UNC13C: variants seen among roughly 807,000 people sequenced by gnomAD.
UNC13C encodes protein unc-13 homolog C.
In UNC13C, 174 loss-of-function variants were observed where a neutral mutation model predicts 245.4. That is an observed-to-expected ratio of 0.71 (90% CI 0.63 to 0.80). UNC13C has a LOEUF of 0.80. Ranked by LOEUF, UNC13C falls within the 30% of genes least tolerant of loss-of-function variation. UNC13C has a pLI of 0.00. For synonymous variants in UNC13C, 992 were observed against 895.1 expected, an observed-to-expected ratio of 1.11 and a Z score of -1.93; for missense variants, 2,829 against 2,602.9, an observed-to-expected ratio of 1.09 and a Z score of -1.89.
the UNC13C span, among the ~76,000 whole-genome samples, chr15:53,919,435 T>C: frequency 6.6e-6 from 1 of 152,146 alleles, no homozygotes; most frequent in African/African-American, 2.4e-5. Flanking sequence ...GGTTGAGTAA[T>C]GAATTAACTT....
chr15:54,077,155 C>T (rs1898671654), intron 2 of UNC13C, among the ~76,000 whole-genome samples: 3 of 151,882 alleles, frequency 2.0e-5, no homozygotes, highest in Non-Finnish European at 2.9e-5. Flanking sequence ...TCTCAAAAAA[C>T]CTTGGAAGCA....
chr15:54,393,104 T>C lies in UNC13C; in HGVS notation c.4770T>C (p.Asp1590=). 1 of 1,609,966 alleles carries C rather than the reference T, an allele frequency of 6.2e-7. No homozygotes were observed. The highest frequency in any genetic ancestry group is 8.5e-7 in the Non-Finnish European group (1 of 1,177,998). Residue 1590 remains aspartate, a synonymous_variant, in exon 18 of 33, where the codon GAT becomes GAC. Coordinates refer to ENST00000260323, the MANE Select transcript of UNC13C (RefSeq NM_001080534.3). ...EDQGPTTKNL[D]FWPQLITLMV... ...AGGGACCAACCACCAAGAATTTGGATTTTTGGCCCCAACTTATTACACTGA... is the reference window on the plus strand; with the variant it reads ...AGGGACCAACCACCAAGAATTTGGACTTTTGGCCCCAACTTATTACACTGA...
intron 2 of UNC13C, among the ~76,000 whole-genome samples, chr15:54,045,085 G>A (rs1047251556): frequency 6.6e-6 from 1 of 152,014 alleles, no homozygotes; most frequent in Non-Finnish European, 1.5e-5. Context: ...TTGATGGAGT[G>A]TAAATTATCA....
chr15:54,329,031 A>T (rs1366797041), intron 14 of UNC13C, among the ~76,000 whole-genome samples: 4 of 150,410 alleles, frequency 2.7e-5, no homozygotes, highest in African/African-American at 9.8e-5. Context: ...CCCTTTGTAG[A>T]TAGTTTGCCA....
the UNC13C span, among the ~76,000 whole-genome samples, chr15:53,897,991 T>C: frequency 6.6e-6 from 1 of 152,210 alleles, no homozygotes; most frequent in East Asian, 1.9e-4. Context: ...TTTGATTTTG[T>C]ATAATAAAAA....
chr15:54,593,193 T>C (rs11857282), intron 30 of UNC13C, among the ~76,000 whole-genome samples: 70,172 of 152,006 alleles, frequency 0.46, 16,959 homozygotes, highest in East Asian at 0.68. Flanking sequence ...ATCTGATAGG[T>C]TTTCTTTTAT....
intron 4 of UNC13C, among the ~76,000 whole-genome samples, chr15:54,156,199 A>G (rs1595921919): frequency 6.6e-6 from 1 of 152,188 alleles, no homozygotes; most frequent in Non-Finnish European, 1.5e-5. Flanking sequence ...ATTTTTAGAA[A>G]GACATTAGTC....
chr15:54,218,695 A>G (rs945514668), intron 4 of UNC13C, among the ~76,000 whole-genome samples: 1 of 151,880 alleles, frequency 6.6e-6, no homozygotes, highest in Non-Finnish European at 1.5e-5. Context: ...ATTTTGTGTT[A>G]TGGAAAAATC....
intron 30 of UNC13C, among the ~76,000 whole-genome samples, chr15:54,580,248 G>A (rs181196655): frequency 2.1e-4 from 32 of 152,328 alleles, no homozygotes; most frequent in Non-Finnish European, 3.5e-4. Flanking sequence ...GCTGATTTCT[G>A]AGCGAAGATG....
intron 2 of UNC13C, among the ~76,000 whole-genome samples, chr15:54,062,162 A>G (rs1301525308): frequency 6.6e-6 from 1 of 151,792 alleles, no homozygotes; most frequent in Non-Finnish European, 1.5e-5. Flanking sequence ...TTTACTAAAA[A>G]TACAAAATTA....
In UNC13C at chr15:54,210,209, A is replaced by AAT. The variant is rs949146182; in HGVS notation, c.3072-24807_3072-24806dup. On this transcript the variant is annotated intron_variant, in intron 4 of 32. Transcript: ENST00000260323. ...TGCAAAGAAAACTTACTATATATAA[A>AAT]ATATATATATATATAGTTAACTGCA... 1.6e-3 allele frequency among the ~76,000 whole-genome samples: 217 copies of AAT among 138,938 alleles called. 1 individual carries two copies. The highest frequency in any genetic ancestry group is 5.5e-3 in the East Asian group (26 of 4,744). 91.1% of individuals were successfully genotyped at this position (138,938 alleles called of 152,430 possible).
At chr15:54,423,830 T>C (rs2040703010) in intron 19 of UNC13C, among the ~76,000 whole-genome samples, 1 of 151,864 alleles carries the variant, frequency 6.6e-6, no homozygotes, top group African/African-American at 2.4e-5. Context: ...CTATTAGTTT[T>C]TCAGCCATGT....
the UNC13C span, among the ~76,000 whole-genome samples, chr15:53,951,149 C>T: frequency 6.6e-6 from 1 of 152,156 alleles, no homozygotes; most frequent in Non-Finnish European, 1.5e-5. Context: ...TATATGTCTG[C>T]AACAAGTGTG....
chr15:54,379,972 T>C (rs1351980610), intron 17 of UNC13C, among the ~76,000 whole-genome samples: 1 of 152,188 alleles, frequency 6.6e-6, no homozygotes, highest in African/African-American at 2.4e-5. Context: ...CCTCACATAG[T>C]TATTATTTCT....
At chr15:54,630,469 C>T (rs1324514174), downstream of UNC13C, 4 of 152,034 alleles carry the variant, frequency 2.6e-5, no homozygotes, top group Non-Finnish European at 5.9e-5. Context: ...CTAGCTAGCC[C>T]CTTTATGGAC....
At chr15:53,955,797 G>A in the UNC13C span, 2 of 152,096 alleles carry the variant, frequency 1.3e-5, no homozygotes, top group African/African-American at 4.8e-5. Context: ...TCTTCATGCT[G>A]GCCATTTTAA....
At chr15:54,119,662 A>G (rs1410067657) in intron 2 of UNC13C, among the ~76,000 whole-genome samples, 2 of 152,186 alleles carry the variant, frequency 1.3e-5, no homozygotes, top group Non-Finnish European at 2.9e-5. Flanking sequence ...CGGGGAAGGC[A>G]TGTCGAAAGT....
chr15:54,560,941 G>T (rs1460047425), intron 29 of UNC13C, among the ~76,000 whole-genome samples: 2 of 151,962 alleles, frequency 1.3e-5, no homozygotes, highest in African/African-American at 2.4e-5. Context: ...CCTGATGATT[G>T]GTTCATTTTG....
chr15:54,236,287 G>A (rs2035697833), intron 5 of UNC13C, 143 bp from the exon 6 acceptor site: 7 of 644,560 alleles, frequency 1.1e-5, no homozygotes, highest in Non-Finnish European at 1.9e-5. Context: ...TAACATGTCA[G>A]TACATTTAGT....
Sources: gnomAD v4.1 joint callset for allele counts (sites outside exome capture counted in the v4.1 genomes callset) on GRCh38, gnomAD v4.1.1 for gene constraint, MANE v1.5 for transcripts, NCBI Gene and HGNC (gene_info 2026-07-23, HGNC 2026-07-21) for gene names.